Variants in CCNL1 observed in about 807,000 individuals in gnomAD.
CCNL1 encodes cyclin L1.
A neutral mutation model predicts 60.6 loss-of-function variants in CCNL1; 13 were observed. The ratio of observed to expected loss-of-function variants is 0.21; its 90% CI spans 0.14 to 0.34. The LOEUF is 0.34. CCNL1 is among the 10% of genes least tolerant of loss of function. CCNL1 has a pLI of 1.00. For missense variants in CCNL1, 481 were observed against 664.3 expected (o/e 0.72, Z 3.03); for synonymous variants, 270 against 244.3 (o/e 1.10, Z -0.98).
intron 5 of CCNL1, chr3:157,151,467 T>G: frequency 1.0e-6 from 1 of 985,890 alleles, no homozygotes; most frequent in South Asian, 4.7e-5. Context: ...GAAGTGCTTC[T>G]TGCTTCTAAT....
At chr3:157,147,529 GAC>G (rs1286145137), downstream of CCNL1, 1 of 951,338 alleles carries the variant, frequency 1.1e-6, no homozygotes, top group East Asian at 1.2e-4. Flanking sequence ...ATTACCTTAT[GAC>G]ACCATTCAAA....
At chr3:157,157,980 A>C (rs1048706072) in intron 3 of CCNL1, among the ~76,000 whole-genome samples, 7 of 152,208 alleles carry the variant, frequency 4.6e-5, no homozygotes, top group Non-Finnish European at 8.8e-5. Flanking sequence ...AACTCAGTAC[A>C]ATTTGTCTAA....
intron 5 of CCNL1, 127 bp downstream of exon 5, chr3:157,152,050 C>A (rs1335595995): frequency 6.1e-6 from 9 of 1,482,814 alleles, no homozygotes; most frequent in African/African-American, 1.4e-5. Context: ...GTTAAAAAAA[C>A]AAAACAAAAA....
intron 3 of CCNL1, among the ~76,000 whole-genome samples, chr3:157,158,196 C>T (rs988607002): frequency 2.0e-5 from 3 of 152,174 alleles, no homozygotes; most frequent in Non-Finnish European, 4.4e-5. Context: ...TATTTTCTTA[C>T]AACATCAAAT....
chr3:157,159,733 G>C (rs1462321876), intron 1 of CCNL1, 59 bp downstream of exon 1: 9 of 1,378,130 alleles, frequency 6.5e-6, no homozygotes, highest in Non-Finnish European at 8.8e-6. Context: ...CTGAGATGCG[G>C]CGTAGGGGAC....
chr3:157,150,444 A>C, intron 5 of CCNL1, 63 bp from the exon 6 acceptor site: 6 of 1,558,846 alleles, frequency 3.8e-6, no homozygotes. Context: ...AGCTTACATA[A>C]AATTGGAGAC....
intron 3 of CCNL1, chr3:157,154,383 A>G (rs1325319246): frequency 6.6e-6 from 1 of 152,226 alleles, no homozygotes; most frequent in Non-Finnish European, 1.5e-5. Flanking sequence ...TTACAAGTAG[A>G]ATACTTCAAT....
intron 5 of CCNL1, 52 bp downstream of exon 5, chr3:157,152,124 TA>T: frequency 6.3e-7 from 1 of 1,589,926 alleles, no homozygotes; most frequent in Non-Finnish European, 8.5e-7. Context: ...AAACTTACTT[TA>T]TTTCTGCTTC....
At chr3:157,159,090 C>T (rs1738849889) in intron 2 of CCNL1, 115 bp from the exon 3 acceptor site, 1 of 708,686 alleles carries the variant, frequency 1.4e-6, no homozygotes, top group South Asian at 1.7e-5. Context: ...CATCTCTATG[C>T]CGTAAGTCTA....
Position 157,152,682 on chromosome 3 carries a change from C to T in CCNL1, c.609+354G>A, listed in dbSNP as rs1738284178. 9.9e-6 allele frequency: 11 copies of T among 1,107,040 alleles called. No individual in the cohort carries two copies. In the South Asian group the frequency reaches 2.7e-4, roughly 27 times the overall value. 68.6% of individuals were successfully genotyped at this position (1,107,040 alleles called of 1,614,324 possible). A position where few individuals can be genotyped will look rare whatever the true frequency, so the allele number is the denominator to read the frequency against. ...CAGCCAACACACTTAGAACATTCTA[C>T]TATGATGATAAGTGTGCCAGATACT... On this transcript the variant is annotated intron_variant, in intron 4 of 10. Transcript: ENST00000295926.
Position 157,159,870 on chromosome 3 carries a change from G to A in CCNL1, c.225C>T (p.Asp75=). The A allele has an allele frequency of 1.3e-6, 2 of 1,592,784 alleles. No individual in the cohort carries two copies. The highest frequency in any genetic ancestry group is 8.5e-7 in the Non-Finnish European group (1 of 1,169,800). ...TGCGTAAGTCCGTCTCACTGGGCAG[G>A]TCGAGCCCATCCTGCATGGATGGGG... ...SPTPSMQDGL[D]LPSETDLRIL... Residue 75 remains aspartate (D), a synonymous_variant, in exon 1 of 11, where the codon GAC becomes GAT. Transcript: ENST00000295926.
At chr3:157,150,550 T>G (rs1324612642) in intron 5 of CCNL1, 169 bp from the exon 6 acceptor site, 1 of 1,373,116 alleles carries the variant, frequency 7.3e-7, no homozygotes, top group Non-Finnish European at 9.5e-7. Context: ...CAGTAAGCAA[T>G]AAGAATTTAA....
intron 10 of CCNL1, 181 bp downstream of exon 10, chr3:157,149,106 A>G: frequency 1.7e-6 from 1 of 588,968 alleles, no homozygotes; most frequent in Non-Finnish European, 3.0e-6. Flanking sequence ...AATATAACAG[A>G]ATGCCATTAA....
chr3:157,157,140 C>G (rs574087252), intron 3 of CCNL1: 2 of 1,276,580 alleles, frequency 1.6e-6, no homozygotes, highest in Non-Finnish European at 2.0e-6. Flanking sequence ...ATACAAGTTA[C>G]GTGCTTGAGT....
intron 3 of CCNL1, among the ~76,000 whole-genome samples, chr3:157,155,390 C>G (rs1376403763): frequency 6.6e-6 from 1 of 152,122 alleles, no homozygotes; most frequent in Non-Finnish European, 1.5e-5. Context: ...AGTCCCAAAT[C>G]AGACTTAATG....
In CCNL1 at chr3:157,156,062, A is replaced by G. The variant is rs762679092; in HGVS notation, c.488+2804T>C. Among the ~76,000 whole-genome samples the G allele has an allele frequency of 2.0e-4, 31 of 152,358 alleles. 1 individual carries two copies. The South Asian group carries it at 2.7e-3, about 13-fold the overall frequency. On this transcript the variant is annotated intron_variant, in intron 3 of 10. Coordinates refer to ENST00000295926, the MANE Select transcript of CCNL1 (RefSeq NM_020307.4). Reference sequence around the variant, plus strand: ...CCTTTAGCATGATTATGTAATTGACATATAACTCAACAACAACAAAAATTA... The same window carrying G: ...CCTTTAGCATGATTATGTAATTGACGTATAACTCAACAACAACAAAAATTA...
chr3:157,150,590 A>G, intron 5 of CCNL1: 1 of 1,284,016 alleles, frequency 7.8e-7, no homozygotes, highest in Non-Finnish European at 9.9e-7. Flanking sequence ...TTTCCTATAT[A>G]TGAGCGAAGC....
intron 3 of CCNL1, chr3:157,154,574 G>A (rs976043066): frequency 5.3e-5 from 8 of 152,126 alleles, no homozygotes; most frequent in Admixed American, 4.6e-4. Flanking sequence ...CCGAAGGTTA[G>A]AAAACAATCT....
At chr3:157,159,562 C>T (rs1048371850) in intron 1 of CCNL1, 83 bp from the exon 2 acceptor site, 67 of 1,326,726 alleles carry the variant, frequency 5.1e-5, no homozygotes, top group Non-Finnish European at 6.7e-5. Flanking sequence ...CCGCCGATCG[C>T]TTCCCTTTCC....
Sources: gnomAD v4.1 joint callset for allele counts (sites outside exome capture counted in the v4.1 genomes callset) on GRCh38, gnomAD v4.1.1 for gene constraint, MANE v1.5 for transcripts, NCBI Gene and HGNC (gene_info 2026-07-23, HGNC 2026-07-21) for gene names.